The following ZNF804B variants were observed in gnomAD, a reference collection of about 807,000 sequenced individuals.
ZNF804B encodes zinc finger 804B.
Under a neutral mutation model 101.4 loss-of-function variants are expected in ZNF804B, and 80 were observed. The ratio of observed to expected loss-of-function variants is 0.79; its 90% CI spans 0.66 to 0.95. The LOEUF is 0.95. ZNF804B is among the 40% of genes least tolerant of loss of function. The pLI, the probability that ZNF804B is intolerant of heterozygous loss-of-function variation, is 0.00. For missense variants in ZNF804B, 1,673 were observed against 1,561.9 expected (o/e 1.07, Z -1.20); for synonymous variants, 622 against 558.8 (o/e 1.11, Z -1.59).
chr7:89,089,281 A>T (rs546962728), intron 1 of ZNF804B, among the ~76,000 whole-genome samples: 1 of 152,116 alleles, frequency 6.6e-6, no homozygotes, highest in South Asian at 2.1e-4. Flanking sequence ...TGATGTAACA[A>T]GACATAATAC....
At chr7:88,876,926 A>G (rs572316114) in intron 1 of ZNF804B, among the ~76,000 whole-genome samples, 1 of 146,668 alleles carries the variant, frequency 6.8e-6, no homozygotes, top group Admixed American at 6.9e-5. Context: ...AGTAATAAAG[A>G]CAAACATCAC....
chr7:88,939,139 T>C (rs531687929), intron 1 of ZNF804B, among the ~76,000 whole-genome samples: 1 of 152,164 alleles, frequency 6.6e-6, no homozygotes, highest in Non-Finnish European at 1.5e-5. Flanking sequence ...TTGGTATCCA[T>C]TGGGGATTGT....
At chr7:88,767,873 T>G (rs2115623048) in intron 1 of ZNF804B, among the ~76,000 whole-genome samples, 1 of 152,314 alleles carries the variant, frequency 6.6e-6, no homozygotes, top group Middle Eastern at 3.4e-3. Context: ...CAAAAATTTT[T>G]TACCCTTCAT....
chr7:89,207,513 A>G (rs548785227), intron 1 of ZNF804B, among the ~76,000 whole-genome samples: 3 of 152,210 alleles, frequency 2.0e-5, no homozygotes, highest in African/African-American at 2.4e-5. Flanking sequence ...CCCATGATAC[A>G]TGGGGATTAT....
intron 1 of ZNF804B, among the ~76,000 whole-genome samples, chr7:88,870,806 A>G (rs1014836466): frequency 2.6e-5 from 4 of 152,180 alleles, no homozygotes; most frequent in African/African-American, 9.7e-5. Flanking sequence ...CTAGATAAAC[A>G]AAATATTCTT....
At chr7:89,020,249 G>C (rs1250582454) in intron 1 of ZNF804B, among the ~76,000 whole-genome samples, 1 of 152,060 alleles carries the variant, frequency 6.6e-6, no homozygotes, top group Non-Finnish European at 1.5e-5. Context: ...CCAATCTAGT[G>C]ATGATAAATT....
chr7:88,926,369 T>C (rs1206407912), intron 1 of ZNF804B, among the ~76,000 whole-genome samples: 1 of 151,028 alleles, frequency 6.6e-6, no homozygotes, highest in Non-Finnish European at 1.5e-5. Flanking sequence ...GGCGGATCAC[T>C]TGAGGTCAGG....
chr7:88,794,511 C>A, intron 1 of ZNF804B: 1 of 1,613,686 alleles, frequency 6.2e-7, no homozygotes, highest in Non-Finnish European at 8.5e-7. Context: ...CATGCCATTG[C>A]ATAAAAAGCC....
intron 1 of ZNF804B, among the ~76,000 whole-genome samples, chr7:88,931,326 A>G (rs909358191): frequency 3.3e-5 from 5 of 151,912 alleles, no homozygotes; most frequent in Non-Finnish European, 7.4e-5. Flanking sequence ...CAGTGTTTCA[A>G]TGCAAAGGTT....
chr7:88,884,247 G>A (rs6948962), intron 1 of ZNF804B, among the ~76,000 whole-genome samples: 40,126 of 151,122 alleles, frequency 0.27, 6,112 homozygotes, highest in East Asian at 0.45. Flanking sequence ...ATAATTTATA[G>A]GCTTTACATA....
intron 2 of ZNF804B, among the ~76,000 whole-genome samples, chr7:89,251,843 C>T (rs148652913): frequency 4.6e-5 from 7 of 151,980 alleles, no homozygotes; most frequent in African/African-American, 9.7e-5. Flanking sequence ...TGGTGGGATA[C>T]GTGGCCAGCC....
chr7:88,993,289 G>C (rs1223088247), intron 1 of ZNF804B, among the ~76,000 whole-genome samples: 1 of 151,822 alleles, frequency 6.6e-6, no homozygotes, highest in South Asian at 2.1e-4. Context: ...ACATCACTTG[G>C]ACCACCTTCT....
intron 1 of ZNF804B, among the ~76,000 whole-genome samples, chr7:89,010,878 G>A (rs551402670): frequency 6.6e-6 from 1 of 152,150 alleles, no homozygotes; most frequent in South Asian, 2.1e-4. Context: ...TGATTGCTGT[G>A]TTCCTACACA....
intron 2 of ZNF804B, among the ~76,000 whole-genome samples, chr7:89,220,752 A>G (rs1368622362): frequency 6.6e-6 from 1 of 151,988 alleles, no homozygotes; most frequent in Non-Finnish European, 1.5e-5. Context: ...ATTTGAGTTC[A>G]TTGAAATTAG....
intron 2 of ZNF804B, among the ~76,000 whole-genome samples, chr7:89,222,954 C>A (rs1789029027): frequency 6.6e-6 from 1 of 151,646 alleles, no homozygotes; most frequent in Non-Finnish European, 1.5e-5. Flanking sequence ...TTATTTTAGC[C>A]CAAAATATTT....
At chr7:89,205,370 A>T (rs1788700066) in intron 1 of ZNF804B, among the ~76,000 whole-genome samples, 1 of 152,130 alleles carries the variant, frequency 6.6e-6, no homozygotes. Context: ...ATTAACCCAA[A>T]AGTTCAAATC....
At chr7:88,978,644 G>GT (rs965210521) in intron 1 of ZNF804B, among the ~76,000 whole-genome samples, 58 of 148,742 alleles carry the variant, frequency 3.9e-4, no homozygotes, top group Admixed American at 1.4e-3. Flanking sequence ...ATTTGCTCTT[G>GT]TTTTTTTTTA....
At chr7:88,808,974 C>T (rs769194870) in intron 1 of ZNF804B, among the ~76,000 whole-genome samples, 1 of 152,104 alleles carries the variant, frequency 6.6e-6, no homozygotes, top group Non-Finnish European at 1.5e-5. Flanking sequence ...AGAAGGTAAC[C>T]TCAAAACTGT....
intron 1 of ZNF804B, among the ~76,000 whole-genome samples, chr7:89,047,228 G>A (rs1160135456): frequency 6.6e-6 from 1 of 152,110 alleles, no homozygotes; most frequent in Non-Finnish European, 1.5e-5. Context: ...GTAAAGTTAA[G>A]GAAGTGATGT....
Sources: gnomAD v4.1 joint callset for allele counts (sites outside exome capture counted in the v4.1 genomes callset) on GRCh38, gnomAD v4.1.1 for gene constraint, MANE v1.5 for transcripts, NCBI Gene and HGNC (gene_info 2026-07-23, HGNC 2026-07-21) for gene names.